The following WNT2B variants were observed in gnomAD, a reference collection of about 807,000 sequenced individuals.
WNT2B encodes the protein protein Wnt-2b.
Under a neutral mutation model 40.5 loss-of-function variants are expected in WNT2B, and 19 were observed. The ratio of observed to expected loss-of-function variants is 0.47; its 90% CI spans 0.33 to 0.69. WNT2B has a LOEUF of 0.69. WNT2B is among the 30% of genes least tolerant of loss of function. The pLI is 0.02. For missense variants in WNT2B, 467 were observed against 556.4 expected (o/e 0.84, Z 1.62); for synonymous variants, 220 against 211.9 (o/e 1.04, Z -0.33).
chr1:112,506,205 A>G (rs559053826), upstream of WNT2B, among the ~76,000 whole-genome samples: 13 of 152,200 alleles, frequency 8.5e-5, no homozygotes, highest in East Asian at 2.1e-3. Context: ...CACCGTATTG[A>G]CCAGGCTAGT....
intron 1 of WNT2B, among the ~76,000 whole-genome samples, chr1:112,480,302 A>C (rs1651185660): frequency 1.3e-5 from 2 of 150,550 alleles, no homozygotes; most frequent in South Asian, 4.3e-4. Flanking sequence ...GGGAGGTGGA[A>C]GTTGCAGCCA....
At chr1:112,499,514 C>T (rs915289892) in intron 1 of WNT2B, among the ~76,000 whole-genome samples, 1 of 152,114 alleles carries the variant, frequency 6.6e-6, no homozygotes, top group African/African-American at 2.4e-5. Context: ...TTAATATAAC[C>T]TGTCACATTA....
intron 1 of WNT2B, among the ~76,000 whole-genome samples, chr1:112,501,434 C>T (rs1651947849): frequency 6.6e-6 from 1 of 152,194 alleles, no homozygotes. Flanking sequence ...TATGTCACCT[C>T]CTTCAGGGCA....
intron 1 of WNT2B, among the ~76,000 whole-genome samples, chr1:112,492,170 A>C (rs1398813737): frequency 6.6e-6 from 1 of 152,256 alleles, no homozygotes; most frequent in African/African-American, 2.4e-5. Flanking sequence ...CTCAAGATTT[A>C]GCAATTTCCC....
At chr1:112,485,640 T>C (rs1202388786) in intron 1 of WNT2B, among the ~76,000 whole-genome samples, 1 of 152,194 alleles carries the variant, frequency 6.6e-6, no homozygotes, top group Non-Finnish European at 1.5e-5. Context: ...GCGTAATCTT[T>C]TCAATAAATG....
chr1:112,486,755 A>T (rs942566213), intron 1 of WNT2B, among the ~76,000 whole-genome samples: 1 of 152,190 alleles, frequency 6.6e-6, no homozygotes. Context: ...GTCATTAGGG[A>T]AATGCAAATT....
chr1:112,500,707 GGCAA>G lies in WNT2B; in HGVS notation c.-94-14164_-94-14161del, dbSNP rs1252644708. Among the ~76,000 whole-genome samples, 403 of 152,252 alleles carry G rather than the reference GGCAA, an allele frequency of 2.6e-3. 5 individuals carry two copies. Among genetic ancestry groups the G allele is most frequent in the African/African-American group, 9.1e-3 (376 of 41,538 alleles). On this transcript the variant is annotated intron_variant, in intron 1 of 4. Coordinates refer to the WNT2B transcript ENST00000256640. ...AGATGGCTTGAGCCCAGGAGTTCAG[GGCAA>G]GCCATGATCGTGCCACTACACTCCA...
intron 1 of WNT2B, among the ~76,000 whole-genome samples, chr1:112,514,332 C>G (rs1025297931): frequency 1.3e-5 from 2 of 152,150 alleles, no homozygotes; most frequent in Admixed American, 6.5e-5. Flanking sequence ...TTTAGCTACA[C>G]GGGTCTGACT....
At position 112,484,981 on chromosome 1, in the gene WNT2B, A is replaced by G. The variant is rs553557992; in HGVS notation, c.-95+17390A>G. On this transcript the variant is annotated intron_variant, in intron 1 of 4. Coordinates refer to the WNT2B transcript ENST00000256640. ...TGGCTATGAATTCAGTGCTCTCCAA[A>G]TAATTCATATATAGATTTAATGCAA... 3.3e-5 allele frequency among the ~76,000 whole-genome samples: 5 copies of G among 152,244 alleles called. No individual in the cohort carries two copies. The East Asian group carries it at 9.6e-4, about 29-fold the overall frequency.
intron 1 of WNT2B, among the ~76,000 whole-genome samples, chr1:112,502,967 G>A (rs1041475290): frequency 2.0e-5 from 3 of 152,114 alleles, no homozygotes; most frequent in African/African-American, 7.2e-5. Flanking sequence ...CCTTCTCCAA[G>A]AATCTGCACA....
At chr1:112,472,155 C>G (rs150697652) in intron 1 of WNT2B, among the ~76,000 whole-genome samples, 4 of 152,132 alleles carry the variant, frequency 2.6e-5, no homozygotes, top group Non-Finnish European at 5.9e-5. Context: ...CTTATAATTG[C>G]CCCCCAACAG....
intron 1 of WNT2B, among the ~76,000 whole-genome samples, chr1:112,485,294 C>CTAAAATTACAAAAAT (rs1553230445): frequency 6.6e-6 from 1 of 152,042 alleles, no homozygotes; most frequent in Admixed American, 6.6e-5. Flanking sequence ...AACCCCGTGT[C>CTAAAATTACAAAAAT]TACTAAAAAT....
intron 1 of WNT2B, among the ~76,000 whole-genome samples, chr1:112,473,373 T>C (rs555236808): frequency 6.6e-6 from 1 of 152,136 alleles, no homozygotes; most frequent in Admixed American, 6.5e-5. Flanking sequence ...AAGATTGAGT[T>C]TGGTAACTAG....
chr1:112,514,774 A>T (rs1652468155), intron 1 of WNT2B, 100 bp from the exon 2 acceptor site: 2 of 1,132,862 alleles, frequency 1.8e-6, no homozygotes, highest in African/African-American at 3.0e-5. Flanking sequence ...AGGGGACAGA[A>T]TCTCTTCAAG....
At chr1:112,467,219 C>G in exon 1 of WNT2B, 1 of 339,952 alleles carries the variant, frequency 2.9e-6, no homozygotes, top group Non-Finnish European at 5.4e-6. Flanking sequence ...TGGTGAGAAG[C>G]CTGGGATGGA....
rs1399006602 is a variant in WNT2B, at chr1:112,520,645, T to C, written c.*136T>C. 1 of 916,368 alleles carries C rather than the reference T, an allele frequency of 1.1e-6. No individual in the cohort carries two copies. The highest frequency in any genetic ancestry group is 1.7e-6 in the Non-Finnish European group (1 of 597,986). 56.8% of individuals were successfully genotyped at this position (916,368 alleles called of 1,614,324 possible). On this transcript the variant is annotated 3_prime_UTR_variant, in exon 5 of 5. Transcript: ENST00000369684. ...ATTTAAGGATGTAGAGAGTAATCCA[T>C]AGGGACCATGGTGTCCTGGCTGGTT...
chr1:112,507,620 T>C (rs923470526), upstream of WNT2B, among the ~76,000 whole-genome samples: 10 of 152,232 alleles, frequency 6.6e-5, no homozygotes, highest in African/African-American at 9.6e-5. Context: ...TGCAGCCAGC[T>C]GCACCCCATC....
chr1:112,511,717 G>C (rs1652358009), intron 1 of WNT2B, among the ~76,000 whole-genome samples: 1 of 152,194 alleles, frequency 6.6e-6, no homozygotes, highest in South Asian at 2.1e-4. Context: ...TTTGCATTCT[G>C]TAGGGGGTTG....
intron 1 of WNT2B, among the ~76,000 whole-genome samples, chr1:112,481,312 A>T (rs1319864830): frequency 6.6e-6 from 1 of 152,236 alleles, no homozygotes; most frequent in African/African-American, 2.4e-5. Flanking sequence ...TAAAGAAAAA[A>T]TGTGATTATC....
Sources: gnomAD v4.1 joint callset for allele counts (sites outside exome capture counted in the v4.1 genomes callset) on GRCh38, gnomAD v4.1.1 for gene constraint, MANE v1.5 for transcripts, NCBI Gene and HGNC (gene_info 2026-07-23, HGNC 2026-07-21) for gene names.